Variants in DNAH9 observed in about 807,000 individuals in gnomAD.
The protein encoded by DNAH9 is dynein axonemal heavy chain 9, also known as DNAH9 variant protein.
Under a neutral mutation model 471.6 loss-of-function variants are expected in DNAH9, and 345 were observed. The ratio of observed to expected loss-of-function variants is 0.73; its 90% CI spans 0.67 to 0.80. The LOEUF is 0.80. DNAH9 is among the 30% of genes least tolerant of loss of function. The probability of loss-of-function intolerance (pLI) is 0.00; values close to 1 mark genes in which losing one functional copy is unlikely to be tolerated. For missense variants in DNAH9, 5,407 were observed against 5,609.2 expected, an observed-to-expected ratio of 0.96 and a Z score of 1.15; for synonymous variants, 2,093 against 2,123.6, an observed-to-expected ratio of 0.99 and a Z score of 0.40.
At chr17:11,635,230 G>A (rs1447931669) in intron 8 of DNAH9, among the ~76,000 whole-genome samples, 2 of 151,598 alleles carry the variant, frequency 1.3e-5, no homozygotes, top group Non-Finnish European at 2.9e-5. Flanking sequence ...GCAGTGGTGC[G>A]ATCTCAACTC....
At chr17:11,951,133 A>G (rs559097187) in intron 67 of DNAH9, among the ~76,000 whole-genome samples, 1 of 152,228 alleles carries the variant, frequency 6.6e-6, no homozygotes, top group Non-Finnish European at 1.5e-5. Flanking sequence ...CAGTAGAACT[A>G]TATTTTGCTG....
intron 38 of DNAH9, among the ~76,000 whole-genome samples, chr17:11,770,653 C>T (rs1038086723): frequency 6.6e-6 from 1 of 152,160 alleles, no homozygotes; most frequent in African/African-American, 2.4e-5. Context: ...ACAAGTAAGA[C>T]AAAATGAAGC....
Position 11,812,968 on chromosome 17 carries a change from G to A in DNAH9, c.8707+2599G>A, listed in dbSNP as rs79971129. 3.3e-4 allele frequency among the ~76,000 whole-genome samples: 51 copies of A among 152,254 alleles called. 2 individuals are homozygous for A. The East Asian group carries it at 7.5e-3, about 22-fold the overall frequency. On this transcript the variant is annotated intron_variant, in intron 45 of 68. Coordinates refer to ENST00000262442, the MANE Select transcript of DNAH9 (RefSeq NM_001372.4). ...GAATACAGCTTTAGAGATGTCGGGC[G>A]TGTTGCCAGCCTCACACCATTGTAT... is the stretch of plus-strand genomic sequence containing the variant.
chr17:11,607,551 T>TA, intron 1 of DNAH9, among the ~76,000 whole-genome samples: 1 of 152,232 alleles, frequency 6.6e-6, no homozygotes, highest in South Asian at 2.1e-4. Context: ...GTCCTCTTGA[T>TA]AAAGAGTTTT....
chr17:11,966,482 C>T (rs1976736606), intron 68 of DNAH9, among the ~76,000 whole-genome samples: 1 of 152,140 alleles, frequency 6.6e-6, no homozygotes, highest in African/African-American at 2.4e-5. Context: ...GGGAGTCCTT[C>T]AGGCAAAAGG....
At chr17:11,611,598 A>G (rs886781813) in intron 3 of DNAH9, 52 bp from the exon 4 acceptor site, 18 of 1,589,294 alleles carry the variant, frequency 1.1e-5, no homozygotes, top group African/African-American at 2.7e-5. Flanking sequence ...TCACAGTGTG[A>G]CTTGCATTTC....
At chr17:11,832,770 AG>A (rs1444408471) in intron 48 of DNAH9, among the ~76,000 whole-genome samples, 2 of 152,238 alleles carry the variant, frequency 1.3e-5, no homozygotes, top group East Asian at 3.8e-4. Flanking sequence ...GGAGCTCTGA[AG>A]TAACCTTTGG....
At chr17:11,861,486 C>T (rs973478615) in intron 50 of DNAH9, among the ~76,000 whole-genome samples, 16 of 152,094 alleles carry the variant, frequency 1.1e-4, no homozygotes, top group South Asian at 1.0e-3. Context: ...AATAAAAATA[C>T]GTGTGCATAT....
At chr17:11,680,653 G>C in intron 18 of DNAH9, 70 bp from the exon 19 acceptor site, 1 of 1,372,694 alleles carries the variant, frequency 7.3e-7, no homozygotes. Flanking sequence ...TCTGGGCTCT[G>C]TCCAGCTCAG....
At chr17:11,952,385 C>T (rs539937368) in intron 67 of DNAH9, among the ~76,000 whole-genome samples, 35 of 145,676 alleles carry the variant, frequency 2.4e-4, no homozygotes, top group Non-Finnish European at 4.6e-4. Flanking sequence ...TTCACACTCC[C>T]GGGCTCAAAG....
At chr17:11,710,996 T>G (rs919625656) in intron 26 of DNAH9, among the ~76,000 whole-genome samples, 20 of 152,226 alleles carry the variant, frequency 1.3e-4, no homozygotes, top group African/African-American at 4.8e-4. Flanking sequence ...TGACTTTGCT[T>G]CTTCTGAATG....
In DNAH9 at chr17:11,892,519, T is replaced by C. The variant is rs1169886234; in HGVS notation, c.11283+572T>C. 6.6e-6 allele frequency among the ~76,000 whole-genome samples: 1 copy of C among 152,198 alleles called. No individual in the cohort carries two copies. Among genetic ancestry groups the C allele is most frequent in the Non-Finnish European group, 1.5e-5 (1 of 68,030 alleles). On this transcript the variant is annotated intron_variant, in intron 58 of 68. Transcript: ENST00000262442. This position sits in a 1 kb window ranked among gnomAD's most constrained non-coding sequence, Gnocchi z 4.3. The stretch of plus-strand genomic sequence containing the variant: ...TAAGAAGAAACCTTTGTCTTCTAGT[T>C]ATTCTCAACATCAAAAAACCATGAA...
chr17:11,812,026 AAT>A (rs1555601078), intron 45 of DNAH9, among the ~76,000 whole-genome samples: 2,961 of 36,578 alleles, frequency 0.081, 188 homozygotes, highest in Middle Eastern at 0.14. Context: ...AAAAAAAAAA[AAT>A]ATATATATAT....
intron 48 of DNAH9, among the ~76,000 whole-genome samples, chr17:11,829,453 TTTATTTAC>T (rs1970615276): frequency 6.6e-6 from 1 of 152,208 alleles, no homozygotes; most frequent in South Asian, 2.1e-4. Context: ...CACAAACTTA[TTTATTTAC>T]TTATTTGCTT....
chr17:11,834,746 A>G lies in DNAH9; in HGVS notation c.9355A>G (p.Ser3119Gly), dbSNP rs1567835949. The change falls in exon 49 of 69, where the codon AGC (serine) becomes GGC (glycine). Residue 3119 changes from serine (S) to glycine (G), a missense_variant. Ser to Gly is a moderately conservative substitution (Grantham distance 56). Coordinates refer to ENST00000262442, the MANE Select transcript of DNAH9 (RefSeq NM_001372.4). ...QVVGVETDKV[S>G]REKAMADEEE... ...CGTGGGTGTGGAGACTGACAAAGTG[A>G]GCAGAGAGAAAGCCATGGCAGATGA... The G allele has an allele frequency of 1.2e-6, 2 of 1,614,106 alleles. No homozygotes were observed. Among genetic ancestry groups the G allele is most frequent in the Admixed American group, 3.3e-5 (2 of 59,998 alleles).
intron 61 of DNAH9, among the ~76,000 whole-genome samples, chr17:11,910,527 A>G (rs1204348771): frequency 6.6e-6 from 1 of 152,132 alleles, no homozygotes; most frequent in African/African-American, 2.4e-5. Context: ...TTCATGTAAC[A>G]AGTTTTTGTG....
intron 35 of DNAH9, 110 bp downstream of exon 35, chr17:11,757,802 C>T: frequency 8.4e-7 from 1 of 1,188,682 alleles, no homozygotes; most frequent in South Asian, 1.5e-5. Context: ...CAGATGTTCC[C>T]AGAGCGATCT....
At chr17:11,778,312 A>G (rs1170269944) in intron 38 of DNAH9, among the ~76,000 whole-genome samples, 4 of 128,546 alleles carry the variant, frequency 3.1e-5, no homozygotes, top group African/African-American at 1.2e-4. Context: ...CCTGGGCGAC[A>G]GAGTGAGACT....
chr17:11,769,404 G>T, intron 38 of DNAH9, 75 bp downstream of exon 38: 1 of 1,364,328 alleles, frequency 7.3e-7, no homozygotes, highest in Non-Finnish European at 1.0e-6. Context: ...GAAGCCAAGC[G>T]TCAGGTGCCT....
Sources: allele counts gnomAD v4.1 joint callset (sites outside exome capture counted in the v4.1 genomes callset), GRCh38; gene constraint gnomAD v4.1.1; non-coding constraint Gnocchi (gnomAD v3.1); transcripts MANE v1.5; gene names NCBI Gene and HGNC (gene_info 2026-07-23, HGNC 2026-07-21).